STPG4: variants seen among roughly 807,000 people sequenced by gnomAD.
STPG4 encodes the protein protein STPG4.
Under a neutral mutation model 31.5 loss-of-function variants are expected in STPG4, and 41 were observed. The observed-to-expected ratio is 1.30, with a 90% CI of 1.01 to 1.69. The LOEUF (loss-of-function observed/expected upper bound fraction) is 1.69, where lower values mean the gene tolerates loss of function less well. Ranked by LOEUF, STPG4 falls within the 40% of genes most tolerant of loss-of-function variation. The pLI, the probability that STPG4 is intolerant of heterozygous loss-of-function variation, is 0.00. For synonymous variants in STPG4, 141 were observed against 103.0 expected (o/e 1.37, Z -2.24); for missense variants, 375 against 293.4 (o/e 1.28, Z -2.03).
chr2:47,151,929 T>G (rs922512037), intron 2 of STPG4, among the ~76,000 whole-genome samples: 15 of 128,746 alleles, frequency 1.2e-4, no homozygotes, highest in Middle Eastern at 7.9e-3. Context: ...GTTTTTTTTT[T>G]TTTTTTTGTA....
intron 5 of STPG4, among the ~76,000 whole-genome samples, chr2:47,112,193 G>A (rs898935130): frequency 6.6e-6 from 1 of 152,148 alleles, no homozygotes; most frequent in South Asian, 2.1e-4. Flanking sequence ...TTGAGACGGA[G>A]TCTTGCTCTG....
intron 3 of STPG4, among the ~76,000 whole-genome samples, chr2:47,147,605 G>A (rs549166744): frequency 6.6e-6 from 1 of 152,270 alleles, no homozygotes; most frequent in Non-Finnish European, 1.5e-5. Context: ...AAGAAACTGA[G>A]AAGCCAGGTT....
intron 5 of STPG4, among the ~76,000 whole-genome samples, chr2:47,098,364 A>G (rs1005759278): frequency 6.6e-6 from 1 of 152,190 alleles, no homozygotes; most frequent in Non-Finnish European, 1.5e-5. Context: ...AGGAGGTGCT[A>G]ATATCTCTAT....
At chr2:47,097,718 A>C (rs567213494) in intron 5 of STPG4, among the ~76,000 whole-genome samples, 77 of 152,322 alleles carry the variant, frequency 5.1e-4, no homozygotes, top group Admixed American at 3.3e-4. Flanking sequence ...TATGGTTTAT[A>C]AATTACCCAG....
intron 5 of STPG4, 200 bp downstream of exon 5, chr2:47,129,741 C>T: frequency 1.7e-6 from 1 of 580,254 alleles, no homozygotes; most frequent in East Asian, 3.1e-5. Context: ...AATGTTAAAA[C>T]CTGGTATTGC....
chr2:47,098,519 C>T (rs1393478481), intron 5 of STPG4, among the ~76,000 whole-genome samples: 2 of 151,980 alleles, frequency 1.3e-5, no homozygotes, highest in East Asian at 1.9e-4. Context: ...TCTTTAAAAT[C>T]GTAAAGCTAA....
At chr2:47,106,653 C>T (rs1295806447) in intron 5 of STPG4, among the ~76,000 whole-genome samples, 1 of 151,934 alleles carries the variant, frequency 6.6e-6, no homozygotes, top group East Asian at 1.9e-4. Context: ...TTTACACTAA[C>T]CAGTCAAGGA....
intron 2 of STPG4, among the ~76,000 whole-genome samples, 197 bp downstream of exon 2, chr2:47,152,760 T>G (rs1166782824): frequency 6.6e-6 from 1 of 152,246 alleles, no homozygotes; most frequent in African/African-American, 2.4e-5. Context: ...TTCCCAAGCT[T>G]CTATTGCATT....
At chr2:47,133,570 CTT>C (rs10682288) in intron 3 of STPG4, among the ~76,000 whole-genome samples, 1 of 67,142 alleles carries the variant, frequency 1.5e-5, no homozygotes, top group African/African-American at 6.3e-5. Context: ...GCACTCAAAT[CTT>C]TTTTTTTTTT....
chr2:47,123,326 C>T (rs1170930206), intron 5 of STPG4, among the ~76,000 whole-genome samples: 1 of 152,016 alleles, frequency 6.6e-6, no homozygotes, highest in Non-Finnish European at 1.5e-5. Flanking sequence ...TTGTTAATAC[C>T]ATGATCTATT....
chr2:47,107,303 G>A (rs1333042482), intron 5 of STPG4, among the ~76,000 whole-genome samples: 1 of 152,126 alleles, frequency 6.6e-6, no homozygotes, highest in Non-Finnish European at 1.5e-5. Flanking sequence ...TGGGAACCGG[G>A]GCTGCGCGTG....
chr2:47,090,868 A>G lies in STPG4; in HGVS notation c.520-494T>C, dbSNP rs1016904008. 4.0e-5 allele frequency among the ~76,000 whole-genome samples: 6 copies of G among 150,590 alleles called. No individual in the cohort carries two copies. The South Asian group carries it at 6.3e-4, about 16-fold the overall frequency. On this transcript the variant is annotated intron_variant, in intron 5 of 6. Transcript: ENST00000445927. The stretch of plus-strand genomic sequence containing the variant: ...TGATATAAGCACAATGCTATGAGAT[A>G]AACATAAATAGGTGAACACAATTTT...
At chr2:47,142,426 A>C (rs1686732733) in intron 3 of STPG4, among the ~76,000 whole-genome samples, 1 of 152,194 alleles carries the variant, frequency 6.6e-6, no homozygotes, top group African/African-American at 2.4e-5. Context: ...TTTTCATTGA[A>C]ATGTTCCCAA....
intron 6 of STPG4, among the ~76,000 whole-genome samples, chr2:47,087,581 C>G (rs771921168): frequency 2.0e-5 from 3 of 152,192 alleles, no homozygotes; most frequent in African/African-American, 7.2e-5. Context: ...AATCGCCTCT[C>G]AAACTCGGGT....
chr2:47,132,383 G>C (rs553876990), intron 3 of STPG4, among the ~76,000 whole-genome samples: 15 of 152,222 alleles, frequency 9.9e-5, no homozygotes, highest in Middle Eastern at 3.4e-3. Flanking sequence ...TGTTAAAAAG[G>C]CATCTACCTC....
At chr2:47,099,322 C>G (rs1685739613) in intron 5 of STPG4, among the ~76,000 whole-genome samples, 1 of 152,228 alleles carries the variant, frequency 6.6e-6, no homozygotes, top group Non-Finnish European at 1.5e-5. Context: ...GGCAACTGCC[C>G]TGAACCCTCT....
chr2:47,090,437 T>C (rs769460379), intron 5 of STPG4, 63 bp from the exon 6 acceptor site: 188 of 1,074,026 alleles, frequency 1.8e-4, no homozygotes, highest in Non-Finnish European at 2.4e-4. Flanking sequence ...TAAGGCTTTA[T>C]TTGCCTTCTA....
At chr2:47,133,770 C>T (rs1188358281) in intron 3 of STPG4, among the ~76,000 whole-genome samples, 1 of 151,596 alleles carries the variant, frequency 6.6e-6, no homozygotes, top group Non-Finnish European at 1.5e-5. Context: ...AGAGACAGGG[C>T]TTCTCCATGT....
chr2:47,107,372 G>A (rs965442791), intron 5 of STPG4, among the ~76,000 whole-genome samples: 2 of 152,150 alleles, frequency 1.3e-5, no homozygotes, highest in African/African-American at 4.8e-5. Flanking sequence ...CCCGCACTCG[G>A]AGCAGCTGGC....
Sources: allele counts gnomAD v4.1 joint callset (sites outside exome capture counted in the v4.1 genomes callset), GRCh38; gene constraint gnomAD v4.1.1; transcripts MANE v1.5; gene names NCBI Gene and HGNC (gene_info 2026-07-23, HGNC 2026-07-21).